GAS2: variants seen among roughly 807,000 people sequenced by gnomAD.
GAS2 encodes the protein growth arrest-specific protein 2.
In GAS2, 20 loss-of-function variants were observed where a neutral mutation model predicts 37.5. The observed-to-expected ratio is 0.53, with a 90% CI of 0.37 to 0.77. GAS2 has a LOEUF of 0.77. Among genes scored for constraint, GAS2 ranks in the 30% least tolerant of loss-of-function variants. The pLI is 0.00. For missense variants in GAS2, 336 were observed against 373.4 expected (o/e 0.90, Z 0.82); for synonymous variants, 144 against 132.2 (o/e 1.09, Z -0.61).
intron 7 of GAS2, among the ~76,000 whole-genome samples, chr11:22,756,410 G>GT (rs1564873226): frequency 6.6e-6 from 1 of 152,068 alleles, no homozygotes; most frequent in Non-Finnish European, 1.5e-5. Context: ...AGGAACAGAG[G>GT]TTGTGATGTT....
At position 22,726,414 on chromosome 11, in the gene GAS2, A is replaced by G. The variant is rs143431625; in HGVS notation, c.390A>G (p.Leu130=). ...ATTTAGGGGTGGATGAAACGTGTCT[A>G]TTTGAATCGGAAGGTTTGGGTATGT... ...CRDLGVDETC[L]FESEGLVLHK... The change falls in exon 4 of 8, where the codon CTA becomes CTG. Residue 130 remains leucine, a synonymous_variant. Transcript: ENST00000454584. The G allele has an allele frequency of 6.2e-6, 10 of 1,611,934 alleles. No homozygotes were observed. The highest frequency in any genetic ancestry group is 3.3e-5 in the South Asian group (3 of 90,724).
intron 7 of GAS2, among the ~76,000 whole-genome samples, chr11:22,807,349 C>T (rs964303723): frequency 4.6e-5 from 7 of 152,088 alleles, no homozygotes; most frequent in African/African-American, 7.2e-5. Flanking sequence ...TAGTAATGTC[C>T]CATTCTTAAG....
chr11:22,716,067 T>A (rs1430457676), intron 3 of GAS2, among the ~76,000 whole-genome samples: 1 of 151,658 alleles, frequency 6.6e-6, no homozygotes, highest in East Asian at 2.0e-4. Flanking sequence ...ACACACCACA[T>A]AAACAGAAGT....
intron 7 of GAS2, among the ~76,000 whole-genome samples, chr11:22,756,855 C>T (rs1854070706): frequency 6.6e-6 from 1 of 152,044 alleles, no homozygotes; most frequent in Admixed American, 6.6e-5. Flanking sequence ...CGTAGATGGC[C>T]TCACTAGGAA....
intron 1 of GAS2, among the ~76,000 whole-genome samples, chr11:22,641,298 ATATC>A (rs58432050): frequency 0.068 from 2,366 of 34,646 alleles, 53 homozygotes; most frequent in East Asian, 0.2. Flanking sequence ...CTTTATATAT[ATATC>A]TTTATATATA....
At position 22,645,506 on chromosome 11, in the gene GAS2, A is replaced by AAT. The variant is rs1006815237; in HGVS notation, c.-21+19707_-21+19708dup. Among the ~76,000 whole-genome samples, 270 of 150,076 alleles carry AAT rather than the reference A, an allele frequency of 1.8e-3. 5 individuals carry two copies. The East Asian group carries it at 0.04, about 22-fold the overall frequency. Reference sequence around the variant, plus strand: ...CGGGTGACAGAGTGACTGTCTTAAAAATATATATATATATACACACACACA... The same window carrying AAT: ...CGGGTGACAGAGTGACTGTCTTAAAAATATATATATATATATACACACACACA... On this transcript the variant is annotated intron_variant, in intron 1 of 5. Coordinates refer to the GAS2 transcript ENST00000528582.
intron 7 of GAS2, among the ~76,000 whole-genome samples, chr11:22,806,744 C>T (rs971356919): frequency 4.6e-5 from 7 of 152,166 alleles, no homozygotes; most frequent in African/African-American, 1.4e-4. Context: ...AAGAATAACT[C>T]AGAATTGAAA....
chr11:22,795,046 G>A (rs2134601765), intron 7 of GAS2, among the ~76,000 whole-genome samples: 2 of 152,258 alleles, frequency 1.3e-5, no homozygotes, highest in Middle Eastern at 6.8e-3. Context: ...GGATGTATCA[G>A]GGAACAAAAC....
chr11:22,627,802 A>G (rs1858684898), intron 1 of GAS2, among the ~76,000 whole-genome samples: 1 of 152,072 alleles, frequency 6.6e-6, no homozygotes, highest in Non-Finnish European at 1.5e-5. Context: ...AAAATGGAAA[A>G]AAAAAGGAAA....
At chr11:22,690,751 G>A (rs1850204837) in intron 3 of GAS2, among the ~76,000 whole-genome samples, 1 of 152,112 alleles carries the variant, frequency 6.6e-6, no homozygotes, top group Non-Finnish European at 1.5e-5. Context: ...TCAGCTACCC[G>A]ATCGGAATTG....
chr11:22,803,003 G>T (rs1219674283), intron 7 of GAS2, among the ~76,000 whole-genome samples: 4 of 152,098 alleles, frequency 2.6e-5, no homozygotes, highest in African/African-American at 9.7e-5. Context: ...CTCGTTTTGT[G>T]TAAGTACACT....
intron 7 of GAS2, among the ~76,000 whole-genome samples, chr11:22,809,759 G>A (rs752572548): frequency 2.0e-5 from 3 of 151,268 alleles, no homozygotes; most frequent in Non-Finnish European, 4.4e-5. Context: ...CTCCCAAAGT[G>A]TTGAGATTAC....
At chr11:22,767,689 T>C (rs970260327) in intron 7 of GAS2, among the ~76,000 whole-genome samples, 2 of 152,162 alleles carry the variant, frequency 1.3e-5, no homozygotes, top group Non-Finnish European at 2.9e-5. Context: ...AGTTCTCCCA[T>C]GGGTTCAAGT....
Position 22,729,691 on chromosome 11 carries a change from A to C in GAS2, c.409+3258A>C, listed in dbSNP as rs557569828. On this transcript the variant is annotated intron_variant, in intron 4 of 7. Transcript: ENST00000454584. ...AAGATGTTAAAATGTTGGACCCCTT[A>C]GTAATAAGGTAGATTTTATTCACAT... Among the ~76,000 whole-genome samples, 3 of 151,788 alleles carry C rather than the reference A, an allele frequency of 2.0e-5. No homozygotes were observed. The East Asian group carries it at 5.8e-4, about 29-fold the overall frequency.
At chr11:22,709,408 T>C (rs1238011959) in intron 3 of GAS2, among the ~76,000 whole-genome samples, 3 of 152,176 alleles carry the variant, frequency 2.0e-5, no homozygotes, top group African/African-American at 7.2e-5. Flanking sequence ...GAAAAAAAAT[T>C]AAATTAATTG....
rs1432365668 is a variant in GAS2 at position 22,738,122 on chromosome 11, A to G, written c.473+354A>G. 3.3e-5 allele frequency among the ~76,000 whole-genome samples: 5 copies of G among 151,318 alleles called. No homozygotes were observed. The East Asian group carries it at 9.7e-4, about 29-fold the overall frequency. ...CCATATTCTATCTTCCTCCTCCTTCACCTCCTTGCTTCCTTTTTACTTTTT... is the reference window on the plus strand; with the variant it reads ...CCATATTCTATCTTCCTCCTCCTTCGCCTCCTTGCTTCCTTTTTACTTTTT... On this transcript the variant is annotated intron_variant, in intron 5 of 7. Transcript: ENST00000454584.
intron 1 of GAS2, among the ~76,000 whole-genome samples, chr11:22,650,801 C>G (rs970048414): frequency 6.6e-6 from 1 of 152,086 alleles, no homozygotes; most frequent in Non-Finnish European, 1.5e-5. Flanking sequence ...TTATTTTGAG[C>G]CTATGTGTGT....
intron 1 of GAS2, among the ~76,000 whole-genome samples, chr11:22,645,969 GA>G (rs1848686492): frequency 6.6e-6 from 1 of 150,790 alleles, no homozygotes; most frequent in Non-Finnish European, 1.5e-5. Context: ...TCAGCCTCCC[GA>G]GTAGCTGGGA....
At position 22,710,255 on chromosome 11, in the gene GAS2, T is replaced by C. The variant is rs1372378468; in HGVS notation, c.268-16037T>C. Among the ~76,000 whole-genome samples the C allele has an allele frequency of 2.0e-5, 3 of 152,168 alleles. No individual in the cohort carries two copies. In the East Asian group the frequency reaches 5.8e-4, roughly 29 times the overall value. The stretch of plus-strand genomic sequence containing the variant: ...TTTAGTAATCTGTGAGCCACTAAAA[T>C]AAATTCCTTTCTTGGAATCCATCTA... On this transcript the variant is annotated intron_variant, in intron 3 of 7. Coordinates refer to ENST00000454584, the MANE Select transcript of GAS2 (RefSeq NM_001143830.3).
Sources: allele counts gnomAD v4.1 joint callset (sites outside exome capture counted in the v4.1 genomes callset), GRCh38; gene constraint gnomAD v4.1.1; transcripts MANE v1.5; gene names NCBI Gene and HGNC (gene_info 2026-07-23, HGNC 2026-07-21).